MYT1L: variants seen among roughly 807,000 people sequenced by gnomAD.
MYT1L encodes the protein myelin transcription factor 1 like, also known as myelin transcription factor 1-like protein.
A neutral mutation model predicts 126.7 loss-of-function variants in MYT1L; 12 were observed. That is an observed-to-expected ratio of 0.09 (90% CI 0.06 to 0.15). MYT1L has a LOEUF of 0.15. MYT1L is among the 10% of genes least tolerant of loss of function. The probability of loss-of-function intolerance (pLI) is 1.00; values close to 1 mark genes in which losing one functional copy is unlikely to be tolerated. For missense variants in MYT1L, 979 were observed against 1,585.2 expected (o/e 0.62, Z 6.49); for synonymous variants, 541 against 604.2 (o/e 0.90, Z 1.53).
intron 22 of MYT1L, among the ~76,000 whole-genome samples, chr2:1,802,161 G>T (rs980018621): frequency 2.0e-5 from 3 of 152,108 alleles, no homozygotes; most frequent in African/African-American, 7.2e-5. Flanking sequence ...TCCTGCTTTT[G>T]TTCTCTCTCT....
At chr2:2,094,974 T>C (rs2077288069) in intron 3 of MYT1L, among the ~76,000 whole-genome samples, 2 of 152,242 alleles carry the variant, frequency 1.3e-5, no homozygotes, top group Non-Finnish European at 1.5e-5. Flanking sequence ...TTCAGCCCTG[T>C]TGTCACCTGC....
At chr2:2,178,247 A>G (rs984576489) in intron 2 of MYT1L, among the ~76,000 whole-genome samples, 5 of 152,182 alleles carry the variant, frequency 3.3e-5, no homozygotes, top group African/African-American at 1.2e-4. Flanking sequence ...TTAGAAATTT[A>G]CACTCCCAAA....
At chr2:2,142,580 G>A (rs1365832688) in intron 3 of MYT1L, among the ~76,000 whole-genome samples, 4 of 152,116 alleles carry the variant, frequency 2.6e-5, no homozygotes, top group East Asian at 1.9e-4. Flanking sequence ...CACAGTAACC[G>A]TTCAGAGGTA....
At chr2:2,005,280 C>G (rs377666948) in intron 4 of MYT1L, among the ~76,000 whole-genome samples, 4,690 of 40,536 alleles carry the variant, frequency 0.12, 134 homozygotes, top group Non-Finnish European at 0.15. Context: ...TCCTGTGTGC[C>G]TTCTTTCCTG....
intron 3 of MYT1L, among the ~76,000 whole-genome samples, chr2:2,075,709 A>G (rs1350936794): frequency 6.6e-6 from 1 of 152,246 alleles, no homozygotes; most frequent in Non-Finnish European, 1.5e-5. Context: ...AAATCATGAA[A>G]ATCTGGAGCA....
At chr2:1,981,330 A>G (rs781423611) in intron 5 of MYT1L, among the ~76,000 whole-genome samples, 57 of 152,216 alleles carry the variant, frequency 3.7e-4, no homozygotes, top group Non-Finnish European at 8.8e-5. Flanking sequence ...TTTAATACCA[A>G]AACAAAAACT....
At chr2:2,251,237 A>G (rs2094640041) in intron 2 of MYT1L, among the ~76,000 whole-genome samples, 1 of 152,118 alleles carries the variant, frequency 6.6e-6, no homozygotes, top group Non-Finnish European at 1.5e-5. Flanking sequence ...AATTTTCTTT[A>G]CTTTCTTTAA....
intron 3 of MYT1L, among the ~76,000 whole-genome samples, chr2:2,154,731 A>G (rs1276828105): frequency 2.0e-5 from 3 of 152,180 alleles, no homozygotes; most frequent in Non-Finnish European, 2.9e-5. Flanking sequence ...AAGGTGCTAG[A>G]CCTAATGCCT....
At chr2:2,038,779 C>A (rs1348294965) in intron 4 of MYT1L, among the ~76,000 whole-genome samples, 2 of 152,044 alleles carry the variant, frequency 1.3e-5, no homozygotes, top group South Asian at 4.2e-4. Flanking sequence ...CTGTCCCTCA[C>A]ACACCCTCTT....
intron 2 of MYT1L, among the ~76,000 whole-genome samples, chr2:2,251,733 G>A (rs955137298): frequency 6.6e-6 from 1 of 151,808 alleles, no homozygotes; most frequent in African/African-American, 2.4e-5. Context: ...TAATATATCT[G>A]TTTTGAAAAA....
intron 2 of MYT1L, among the ~76,000 whole-genome samples, chr2:2,233,336 C>T (rs184423407): frequency 3.9e-5 from 6 of 152,246 alleles, no homozygotes; most frequent in African/African-American, 9.6e-5. Context: ...GGCTGAGATG[C>T]GGGGGTGTGG....
At chr2:1,998,524 G>A (rs987803263) in intron 4 of MYT1L, among the ~76,000 whole-genome samples, 2 of 152,068 alleles carry the variant, frequency 1.3e-5, no homozygotes, top group African/African-American at 4.8e-5. Flanking sequence ...CTTTCCTTGT[G>A]TACTTAATTT....
intron 1 of MYT1L, among the ~76,000 whole-genome samples, chr2:2,285,604 T>C (rs921704238): frequency 6.6e-6 from 1 of 152,180 alleles, no homozygotes; most frequent in Non-Finnish European, 1.5e-5. Flanking sequence ...CCTTTCTGGG[T>C]CTTCCCAATT....
rs538904330 is a variant in MYT1L, at chr2:2,307,846, C to G, written c.-521+23121G>C. 4.1e-5 allele frequency among the ~76,000 whole-genome samples: 5 copies of G among 120,868 alleles called. No individual in the cohort carries two copies. The East Asian group carries it at 1.0e-3, about 25-fold the overall frequency. 79.3% of individuals were successfully genotyped at this position (120,868 alleles called of 152,430 possible). A position where few individuals can be genotyped will look rare whatever the true frequency, so the allele number is the denominator to read the frequency against. ...TATACTCCACCTATACTTCAGTACTCTCTCTATATTCCACCTATGCTTCAG... is the reference window on the plus strand; with the variant it reads ...TATACTCCACCTATACTTCAGTACTGTCTCTATATTCCACCTATGCTTCAG... On this transcript the variant is annotated intron_variant, in intron 1 of 24. Coordinates refer to ENST00000647738, the MANE Select transcript of MYT1L (RefSeq NM_001303052.2).
At position 1,922,698 on chromosome 2, in the gene MYT1L, G is replaced by A. The variant is rs1322793511; in HGVS notation, c.1071C>T (p.Ile357=). The A allele has an allele frequency of 6.2e-7, 1 of 1,613,846 alleles. No individual in the cohort carries two copies. The highest frequency in any genetic ancestry group is 2.2e-5 in the East Asian group (1 of 44,862). The change falls in exon 10 of 25, where the codon ATC becomes ATT. Residue 357 remains isoleucine, a synonymous_variant. Transcript: ENST00000647738. This position sits in a 1 kb window ranked among gnomAD's most constrained non-coding sequence, Gnocchi z 7.4. ...CCTCTTCTGGCCGGACATGCTGACG[G>A]ATGTTCATGTTCTGCTGCGGATTCC... ...QERNPQQNMN[I]RQHVRPEEDF... is the part of the protein sequence containing the mutation.
chr2:2,085,830 C>A (rs2076295004), intron 3 of MYT1L, among the ~76,000 whole-genome samples: 1 of 152,190 alleles, frequency 6.6e-6, no homozygotes, highest in African/African-American at 2.4e-5. Context: ...CTCTCTGAGA[C>A]ACCGCGCTCT....
At chr2:1,838,215 A>G (rs2041170176) in intron 21 of MYT1L, among the ~76,000 whole-genome samples, 1 of 151,916 alleles carries the variant, frequency 6.6e-6, no homozygotes, top group Non-Finnish European at 1.5e-5. Context: ...TGCCCGGCCA[A>G]TTTTTCTCTT....
chr2:1,797,245 G>A (rs913441973), intron 23 of MYT1L, among the ~76,000 whole-genome samples: 9 of 152,264 alleles, frequency 5.9e-5, no homozygotes, highest in East Asian at 1.9e-4. Context: ...GGAAGGGACC[G>A]GTGTCCGGAC....
At chr2:2,132,064 C>T (rs1226373847) in intron 3 of MYT1L, among the ~76,000 whole-genome samples, 4 of 151,734 alleles carry the variant, frequency 2.6e-5, no homozygotes, top group East Asian at 1.9e-4. Flanking sequence ...GGTGCCACCA[C>T]GCCCAGCTAA....
Sources: gnomAD v4.1 joint callset for allele counts (sites outside exome capture counted in the v4.1 genomes callset) on GRCh38, gnomAD v4.1.1 for gene constraint, Gnocchi (gnomAD v3.1) non-coding constraint, MANE v1.5 for transcripts, NCBI Gene and HGNC (gene_info 2026-07-23, HGNC 2026-07-21) for gene names.